PRRC2C: variants seen among roughly 807,000 people sequenced by gnomAD.
PRRC2C encodes proline rich coiled-coil 2C.
Under a neutral mutation model 317.2 loss-of-function variants are expected in PRRC2C, and 72 were observed. The ratio of observed to expected loss-of-function variants is 0.23; its 90% CI spans 0.19 to 0.28. The LOEUF is 0.28. Ranked by LOEUF, PRRC2C falls within the 10% of genes least tolerant of loss-of-function variation. The pLI is 1.00. For synonymous variants in PRRC2C, 1,296 were observed against 1,205.9 expected, an observed-to-expected ratio of 1.07 and a Z score of -1.55; for missense variants, 3,074 against 3,459.7, an observed-to-expected ratio of 0.89 and a Z score of 2.80.
At chr1:171,589,632 A>AT in intron 34 of PRRC2C, 27 bp downstream of exon 34, 1 of 1,266,282 alleles carries the variant, frequency 7.9e-7, no homozygotes, top group Non-Finnish European at 1.0e-6. Flanking sequence ...CAGCCAACAG[A>AT]TCAAGAATCT....
rs186450055 is a variant in PRRC2C at position 171,524,978 on chromosome 1, C to A, written c.1200+13C>A. 653 of 1,569,196 alleles carry A rather than the reference C, an allele frequency of 4.2e-4. 6 individuals are homozygous for A. The African/African-American group carries it at 7.9e-3, about 19-fold the overall frequency. ...TTCATTTAATCAGGTTTGTTGGACT[C>A]ATGGAGATCCTTGTTATTGCAAGGA... On this transcript the variant is annotated intron_variant, in intron 10 of 34. Transcript: ENST00000647382.
chr1:171,523,495 G>C lies in PRRC2C; in HGVS notation c.1028G>C (p.Gly343Ala), dbSNP rs771444345. The part of the protein sequence containing the change: ...QLNFSDDDEQ[G>A]SNSPKENNSE... ...AATTTCAGTGATGATGATGAACAAG[G>C]AAGTAACAGTCCTAAAGAGAATAAC... is the stretch of plus-strand genomic sequence containing the variant. Residue 343 changes from glycine (G) to alanine (A), a missense_variant, in exon 9 of 35, where the codon GGA (glycine) becomes GCA (alanine). Transcript: ENST00000647382. 5 of 1,611,542 alleles carry C rather than the reference G, an allele frequency of 3.1e-6. No homozygotes were observed. Among genetic ancestry groups the C allele is most frequent in the Middle Eastern group, 2.1e-4 (1 of 4,844 alleles).
chr1:171,503,572 A>G (rs371498984), intron 1 of PRRC2C, among the ~76,000 whole-genome samples: 21 of 151,910 alleles, frequency 1.4e-4, no homozygotes, highest in African/African-American at 4.8e-4. Context: ...TGATGGTGCT[A>G]TTTTCATTTC....
chr1:171,513,290 T>C, intron 3 of PRRC2C, 118 bp downstream of exon 3: 1 of 1,120,298 alleles, frequency 8.9e-7, no homozygotes, highest in East Asian at 2.6e-5. Context: ...ACATATTTTA[T>C]ACTCTTTAAA....
chr1:171,550,417 AAATAT>A (rs2102577787), intron 18 of PRRC2C, among the ~76,000 whole-genome samples, 177 bp downstream of exon 18: 1 of 152,206 alleles, frequency 6.6e-6, no homozygotes, highest in Admixed American at 6.5e-5. Flanking sequence ...ATTTTAAATA[AAATAT>A]AAGGACTGTA....
chr1:171,512,932 T>C, intron 2 of PRRC2C, 63 bp from the exon 3 acceptor site: 1 of 1,409,524 alleles, frequency 7.1e-7, no homozygotes, highest in Non-Finnish European at 9.6e-7. Flanking sequence ...TTCTATATTG[T>C]TTGAGGAATA....
At chr1:171,506,687 T>TTTTTTGTGTG (rs1670302932) in intron 1 of PRRC2C, among the ~76,000 whole-genome samples, 1 of 136,604 alleles carries the variant, frequency 7.3e-6, no homozygotes, top group Non-Finnish European at 1.5e-5. Flanking sequence ...TTTTTTTTCT[T>TTTTTTGTGTG]TGTGTGTGTG....
At chr1:171,494,719 TC>T (rs926053073) in intron 1 of PRRC2C, among the ~76,000 whole-genome samples, 1 of 108,100 alleles carries the variant, frequency 9.3e-6, no homozygotes, top group Admixed American at 1.0e-4. Flanking sequence ...CTCTTCACTT[TC>T]GCCTTCCGTG....
At chr1:171,506,142 C>G (rs1039498191) in intron 1 of PRRC2C, among the ~76,000 whole-genome samples, 4 of 152,182 alleles carry the variant, frequency 2.6e-5, no homozygotes, top group Non-Finnish European at 5.9e-5. Flanking sequence ...AGTGATCTGT[C>G]CACCTTAGCC....
chr1:171,590,156 A>G (rs1651105156), intron 34 of PRRC2C, among the ~76,000 whole-genome samples: 1 of 152,076 alleles, frequency 6.6e-6, no homozygotes, highest in African/African-American at 2.4e-5. Context: ...TTTTCTTCTC[A>G]AACTGTTTTC....
intron 19 of PRRC2C, among the ~76,000 whole-genome samples, chr1:171,560,359 A>C (rs1273219152): frequency 6.6e-6 from 1 of 151,700 alleles, no homozygotes; most frequent in Non-Finnish European, 1.5e-5. Flanking sequence ...ACAGCAAAGG[A>C]TCTAGAATAT....
chr1:171,572,895 G>T (rs1044194724), intron 24 of PRRC2C, among the ~76,000 whole-genome samples: 1 of 152,122 alleles, frequency 6.6e-6, no homozygotes, highest in African/African-American at 2.4e-5. Flanking sequence ...AATTACATTA[G>T]CTTAAAACCT....
chr1:171,528,977 T>TATTTTTA (rs1458574095), intron 11 of PRRC2C, among the ~76,000 whole-genome samples: 1 of 152,036 alleles, frequency 6.6e-6, no homozygotes, highest in African/African-American at 2.4e-5. Context: ...GCTAATTTTT[T>TATTTTTA]GCAGAGACAG....
At chr1:171,521,756 T>C (rs1300198690) in intron 6 of PRRC2C, among the ~76,000 whole-genome samples, 3 of 152,236 alleles carry the variant, frequency 2.0e-5, no homozygotes, top group Admixed American at 6.5e-5. Context: ...ATTTTCACTT[T>C]GCCGTTTGCT....
At chr1:171,535,290 A>G in intron 12 of PRRC2C, 138 bp from the exon 13 acceptor site, 1 of 678,000 alleles carries the variant, frequency 1.5e-6, no homozygotes, top group Non-Finnish European at 2.3e-6. Flanking sequence ...CCAATGTTAA[A>G]GTAGAAAATA....
At chr1:171,489,209 GT>G (rs1168841013) in intron 1 of PRRC2C, among the ~76,000 whole-genome samples, 2 of 151,940 alleles carry the variant, frequency 1.3e-5, no homozygotes, top group East Asian at 3.9e-4. Context: ...ATGCTGTCAG[GT>G]TTTTTTTCCT....
At position 171,539,959 on chromosome 1, in the gene PRRC2C, T is replaced by G. The variant is rs755006350; in HGVS notation, c.2505-12T>G. ...CTTTGTTGATTATACCTTTGAATTC[T>G]TATCATCATAGGTCTGAAGCTGCGT... On this transcript the variant is annotated splice_polypyrimidine_tract_variant and intron_variant, in intron 15 of 34. Coordinates refer to ENST00000647382, the MANE Select transcript of PRRC2C (RefSeq NM_001387844.1). The G allele has an allele frequency of 6.3e-7, 1 of 1,578,642 alleles. No individual in the cohort carries two copies. Among genetic ancestry groups the G allele is most frequent in the Non-Finnish European group, 8.6e-7 (1 of 1,163,864 alleles).
In PRRC2C at chr1:171,512,826, T is replaced by C. The variant is rs1388542189; in HGVS notation, c.113-169T>C. ...CTGTTAAATGGCTTGATTTCTACAC[T>C]GAAATGTGTTGCAGGTGTGTAGCTT... is the stretch of plus-strand genomic sequence containing the variant. On this transcript the variant is annotated intron_variant, in intron 2 of 34. Transcript: ENST00000647382. 6 of 572,564 alleles carry C rather than the reference T, an allele frequency of 1.0e-5. No individual in the cohort carries two copies. In the East Asian group the frequency reaches 1.9e-4, roughly 18 times the overall value. The allele number at this position is 572,564 out of a possible 1,614,324, so 35.5% of individuals were successfully genotyped here. A position where few individuals can be genotyped will look rare whatever the true frequency, so the allele number is the denominator to read the frequency against.
intron 20 of PRRC2C, 63 bp from the exon 21 acceptor site, chr1:171,566,170 T>C (rs2038040): frequency 0.13 from 181,986 of 1,357,034 alleles, 12,797 homozygotes; most frequent in East Asian, 0.2. Context: ...TGTATAGTGC[T>C]TCATAAATCA....
Sources: gnomAD v4.1 joint callset for allele counts (sites outside exome capture counted in the v4.1 genomes callset) on GRCh38, gnomAD v4.1.1 for gene constraint, MANE v1.5 for transcripts, NCBI Gene and HGNC (gene_info 2026-07-23, HGNC 2026-07-21) for gene names.